The following PDE4D variants were observed in gnomAD, a reference collection of about 807,000 sequenced individuals.
The protein encoded by PDE4D is phosphodiesterase 4D.
In PDE4D, 24 loss-of-function variants were observed where a neutral mutation model predicts 87.4. That is an observed-to-expected ratio of 0.27 (90% CI 0.20 to 0.39). PDE4D has a LOEUF of 0.39. PDE4D is among the 10% of genes least tolerant of loss of function. PDE4D has a pLI of 1.00. For synonymous variants in PDE4D, 384 were observed against 383.2 expected (o/e 1.00, Z -0.02); for missense variants, 714 against 1,041.0 (o/e 0.69, Z 4.32).
intron 1 of PDE4D, among the ~76,000 whole-genome samples, chr5:59,792,402 C>CTG (rs3062592): frequency 0.041 from 5,647 of 138,830 alleles, 152 homozygotes; most frequent in Admixed American, 0.1. Flanking sequence ...CTCCAAGAAG[C>CTG]TGTGTGTGTG....
chr5:60,290,798 C>A (rs946603876), intron 1 of PDE4D, among the ~76,000 whole-genome samples: 4 of 152,050 alleles, frequency 2.6e-5, no homozygotes, highest in Admixed American at 2.0e-4. Context: ...CAGAGTGAGA[C>A]CCTGTCTCAA....
chr5:59,950,545 T>C (rs1758187824), intron 3 of PDE4D, among the ~76,000 whole-genome samples: 1 of 152,102 alleles, frequency 6.6e-6, no homozygotes, highest in Admixed American at 6.5e-5. Flanking sequence ...AATGAATAAA[T>C]GGATGAATAG....
intron 1 of PDE4D, among the ~76,000 whole-genome samples, chr5:59,521,652 C>T (rs530127569): frequency 5.3e-5 from 8 of 152,238 alleles, no homozygotes; most frequent in Admixed American, 2.6e-4. Flanking sequence ...ACTCTTTCCC[C>T]ACTTTACCCC....
intron 1 of PDE4D, among the ~76,000 whole-genome samples, chr5:59,546,966 C>T (rs1483044215): frequency 6.6e-6 from 1 of 152,152 alleles, no homozygotes; most frequent in Non-Finnish European, 1.5e-5. Context: ...ATGCCCTTCT[C>T]ATACAGTACA....
chr5:59,681,189 A>G (rs191273274), intron 1 of PDE4D, among the ~76,000 whole-genome samples: 1 of 152,320 alleles, frequency 6.6e-6, no homozygotes, highest in East Asian at 1.9e-4. Flanking sequence ...AAAGTACTCA[A>G]AGAATGATAG....
At chr5:60,117,843 C>CA (rs1778306612) in intron 2 of PDE4D, among the ~76,000 whole-genome samples, 1 of 151,562 alleles carries the variant, frequency 6.6e-6, no homozygotes, top group Non-Finnish European at 1.5e-5. Context: ...CACACACACA[C>CA]CACAGAGAGA....
At chr5:60,031,923 A>C (rs1412395839) in intron 2 of PDE4D, among the ~76,000 whole-genome samples, 1 of 152,194 alleles carries the variant, frequency 6.6e-6, no homozygotes, top group Admixed American at 6.5e-5. Context: ...GTTGAAGCAA[A>C]TTACAAGAAT....
chr5:60,416,962 TA>T (rs1332372050), intron 1 of PDE4D, among the ~76,000 whole-genome samples: 5 of 152,354 alleles, frequency 3.3e-5, no homozygotes, highest in African/African-American at 1.2e-4. Flanking sequence ...CTACCATGAC[TA>T]ATCACACTGT....
In PDE4D at chr5:60,231,175, TC is replaced by T. The variant is rs543669706; in HGVS notation, c.-89-45489del. On this transcript the variant is annotated intron_variant, in intron 1 of 16. Coordinates refer to the PDE4D transcript ENST00000502484. The stretch of plus-strand genomic sequence containing the variant: ...CCATTTTCTGATAGTGACAGCATGA[TC>T]TTCCTTGGTGAATCCACACTTCTCA... Among the ~76,000 whole-genome samples the T allele has an allele frequency of 1.1e-3, 166 of 152,126 alleles. 1 individual carries two copies. Among genetic ancestry groups the T allele is most frequent in the Non-Finnish European group, 1.9e-3 (129 of 67,938 alleles).
intron 1 of PDE4D, among the ~76,000 whole-genome samples, chr5:59,529,697 A>C (rs1424557477): frequency 3.9e-5 from 6 of 152,212 alleles, no homozygotes; most frequent in Non-Finnish European, 7.3e-5. Flanking sequence ...TATGTTGACC[A>C]ATTTAAGGTT....
chr5:59,001,027 A>G (rs1174044630), intron 6 of PDE4D, among the ~76,000 whole-genome samples: 1 of 152,166 alleles, frequency 6.6e-6, no homozygotes, highest in Non-Finnish European at 1.5e-5. Flanking sequence ...AAAGTTAAGA[A>G]AGGAATGAGT....
intron 1 of PDE4D, among the ~76,000 whole-genome samples, chr5:59,541,181 A>G (rs569387861): frequency 1.3e-5 from 2 of 152,298 alleles, no homozygotes; most frequent in South Asian, 4.1e-4. Flanking sequence ...CTTTATCTCT[A>G]TAATTTACAA....
intron 1 of PDE4D, among the ~76,000 whole-genome samples, chr5:59,330,699 A>G (rs1435206654): frequency 6.6e-6 from 1 of 152,130 alleles, no homozygotes; most frequent in Non-Finnish European, 1.5e-5. Context: ...TCGTTTTGAG[A>G]TTAAAGGCCT....
At chr5:60,102,228 T>G (rs1776287722) in intron 2 of PDE4D, among the ~76,000 whole-genome samples, 1 of 152,170 alleles carries the variant, frequency 6.6e-6, no homozygotes. Flanking sequence ...TTGTTTTGTT[T>G]TTTGTTTTTT....
At chr5:59,520,954 T>C (rs1450186218) in intron 1 of PDE4D, among the ~76,000 whole-genome samples, 3 of 152,108 alleles carry the variant, frequency 2.0e-5, no homozygotes, top group African/African-American at 7.2e-5. Context: ...ATATAATGTA[T>C]ATGAAATTCC....
chr5:60,040,840 A>G (rs1768395222), intron 2 of PDE4D, among the ~76,000 whole-genome samples: 1 of 152,186 alleles, frequency 6.6e-6, no homozygotes, highest in Non-Finnish European at 1.5e-5. Context: ...GAAAAACTCA[A>G]TGAGGTAACA....
At chr5:59,290,715 A>G (rs1429982806) in intron 1 of PDE4D, among the ~76,000 whole-genome samples, 4 of 152,162 alleles carry the variant, frequency 2.6e-5, no homozygotes, top group Non-Finnish European at 5.9e-5. Context: ...AGAATATATA[A>G]GAAGCTCAAA....
chr5:59,642,415 T>G (rs1400004920), intron 1 of PDE4D, among the ~76,000 whole-genome samples: 1 of 152,210 alleles, frequency 6.6e-6, no homozygotes, highest in Non-Finnish European at 1.5e-5. Flanking sequence ...CACCCAAATC[T>G]CATCTTGAAT....
chr5:59,584,639 T>C (rs576778938), intron 1 of PDE4D, among the ~76,000 whole-genome samples: 3 of 152,288 alleles, frequency 2.0e-5, no homozygotes, highest in Admixed American at 1.3e-4. Flanking sequence ...GTGAGGCTAA[T>C]GCAATAAAAA....
Sources: allele counts gnomAD v4.1 joint callset (sites outside exome capture counted in the v4.1 genomes callset), GRCh38; gene constraint gnomAD v4.1.1; transcripts MANE v1.5; gene names NCBI Gene and HGNC (gene_info 2026-07-23, HGNC 2026-07-21).